Variants in RELN observed in about 807,000 individuals in gnomAD.
RELN encodes reelin.
Under a neutral mutation model 427.6 loss-of-function variants are expected in RELN, and 108 were observed. The observed-to-expected ratio is 0.25, with a 90% CI of 0.22 to 0.30. RELN has a LOEUF of 0.30. Among genes scored for constraint, RELN ranks in the 10% least tolerant of loss-of-function variants. The probability of loss-of-function intolerance (pLI) is 1.00; values close to 1 mark genes in which losing one functional copy is unlikely to be tolerated. For missense variants in RELN, 3,715 were observed against 4,302.8 expected, an observed-to-expected ratio of 0.86 and a Z score of 3.82; for synonymous variants, 1,524 against 1,513.4, an observed-to-expected ratio of 1.01 and a Z score of -0.16.
At chr7:103,951,285 T>C (rs1796325791) in intron 1 of RELN, among the ~76,000 whole-genome samples, 1 of 152,170 alleles carries the variant, frequency 6.6e-6, no homozygotes, top group East Asian at 1.9e-4. Flanking sequence ...CACATATATA[T>C]CAAGATACTG....
intron 2 of RELN, among the ~76,000 whole-genome samples, chr7:103,842,869 A>G (rs182172638): frequency 6.6e-6 from 1 of 152,286 alleles, no homozygotes; most frequent in African/African-American, 2.4e-5. Flanking sequence ...AGTGCACTTA[A>G]AAGATGAGAT....
chr7:103,912,789 T>C (rs1232271832), intron 2 of RELN, among the ~76,000 whole-genome samples: 1 of 152,084 alleles, frequency 6.6e-6, no homozygotes, highest in Non-Finnish European at 1.5e-5. Context: ...AGTAAATGCA[T>C]TTCAGCCCTG....
intron 4 of RELN, among the ~76,000 whole-genome samples, chr7:103,758,020 C>T (rs540790855): frequency 3.3e-5 from 5 of 152,194 alleles, no homozygotes; most frequent in African/African-American, 1.2e-4. Context: ...GGATGTTCAA[C>T]TAGGAATGAA....
chr7:103,889,830 T>TA (rs1426435989), intron 2 of RELN, among the ~76,000 whole-genome samples: 3 of 152,222 alleles, frequency 2.0e-5, no homozygotes, highest in Admixed American at 6.5e-5. Flanking sequence ...AATCCTAGCA[T>TA]AAAACCAGGC....
chr7:103,544,220 CTTTTTTTTTTTTTTTTTTTTTTTT>C (rs71154356), intron 42 of RELN, among the ~76,000 whole-genome samples: 1 of 71,198 alleles, frequency 1.4e-5, no homozygotes. Context: ...GAAAGAAAAT[CTTTTTTTTTTTTTTTTTTTTTTTT>C]TTTTTTTTTT....
chr7:103,814,396 T>C (rs1187816627), intron 3 of RELN, among the ~76,000 whole-genome samples: 1 of 152,220 alleles, frequency 6.6e-6, no homozygotes, highest in African/African-American at 2.4e-5. Context: ...TGATTAAAGA[T>C]TGAATTCTAG....
At chr7:103,838,342 A>G (rs1793465736) in intron 2 of RELN, among the ~76,000 whole-genome samples, 2 of 152,190 alleles carry the variant, frequency 1.3e-5, no homozygotes, top group Non-Finnish European at 2.9e-5. Context: ...ACTAAATACA[A>G]TAGAATATTC....
At chr7:103,570,851 T>G (rs1258736117) in intron 31 of RELN, among the ~76,000 whole-genome samples, 4 of 151,950 alleles carry the variant, frequency 2.6e-5, no homozygotes, top group Non-Finnish European at 5.9e-5. Context: ...TTATTAGAGG[T>G]TTATTATTAT....
chr7:103,927,656 T>A (rs1795775002), intron 1 of RELN, among the ~76,000 whole-genome samples: 1 of 152,220 alleles, frequency 6.6e-6, no homozygotes, highest in Non-Finnish European at 1.5e-5. Context: ...TGGAAAATGC[T>A]GTACTTTTTA....
chr7:103,555,163 A>G (rs1169635961), intron 38 of RELN, among the ~76,000 whole-genome samples: 4 of 152,192 alleles, frequency 2.6e-5, no homozygotes, highest in African/African-American at 9.7e-5. Context: ...AGAGTAGATA[A>G]TAACGGCAAA....
intron 1 of RELN, among the ~76,000 whole-genome samples, chr7:103,935,154 T>C (rs1407050759): frequency 6.6e-6 from 1 of 152,234 alleles, no homozygotes; most frequent in Non-Finnish European, 1.5e-5. Context: ...TGGAATCTCC[T>C]AGGTTTTTAG....
At chr7:103,584,484 G>A (rs1398495463) in intron 28 of RELN, among the ~76,000 whole-genome samples, 1 of 152,112 alleles carries the variant, frequency 6.6e-6, no homozygotes, top group African/African-American at 2.4e-5. Flanking sequence ...TTATATAATG[G>A]TAAAGAGTTC....
intron 10 of RELN, 133 bp from the exon 11 acceptor site, chr7:103,682,394 G>T (rs1833674841): frequency 1.1e-6 from 1 of 914,252 alleles, no homozygotes; most frequent in Non-Finnish European, 1.8e-6. Flanking sequence ...CAAATCAAAA[G>T]AGCTTGTTAC....
intron 21 of RELN, among the ~76,000 whole-genome samples, chr7:103,611,219 T>A (rs1174965675): frequency 6.6e-6 from 1 of 152,184 alleles, no homozygotes; most frequent in Non-Finnish European, 1.5e-5. Context: ...ATATTTCTTC[T>A]TTGTTTCTAA....
chr7:103,884,253 C>T (rs1016842911), intron 2 of RELN, among the ~76,000 whole-genome samples: 2 of 152,192 alleles, frequency 1.3e-5, no homozygotes, highest in African/African-American at 2.4e-5. Context: ...AACTGGACCC[C>T]TTCCTTACAC....
chr7:103,645,848 A>T (rs535754236), intron 16 of RELN, among the ~76,000 whole-genome samples: 1 of 152,048 alleles, frequency 6.6e-6, no homozygotes, highest in South Asian at 2.1e-4. Flanking sequence ...TCATGAGTGC[A>T]TGAAAGATTC....
chr7:103,973,657 G>T (rs1796809605), intron 1 of RELN, among the ~76,000 whole-genome samples: 1 of 152,230 alleles, frequency 6.6e-6, no homozygotes, highest in East Asian at 1.9e-4. Context: ...AATATTTATA[G>T]ATTTTTAAGT....
At position 103,539,233 on chromosome 7, in the gene RELN, G is replaced by T; in HGVS notation, c.7025C>A (p.Thr2342Asn). Residue 2342 changes from threonine (T) to asparagine (N), a missense_variant, in exon 45 of 65, where the codon ACC (threonine) becomes AAC (asparagine). By Grantham distance (65) the Thr-to-Asn change is moderately conservative. Around this residue, in one of 4 missense-constraint regions of RELN, gnomAD observed 1,310 missense variants for 1,643.0 expected, o/e 0.80. Coordinates refer to ENST00000428762, the MANE Select transcript of RELN (RefSeq NM_005045.4). ...SRKWLLHPGG[T>N]KMPVCGSTGD... Reference sequence around the variant, plus strand: ...AGTAGAGCCACACACGGGCATCTTGGTGCCTCCTGGGTGAAGCAGCCATTT... The same window carrying T: ...AGTAGAGCCACACACGGGCATCTTGTTGCCTCCTGGGTGAAGCAGCCATTT... 4 of 1,614,224 alleles carry T rather than the reference G, an allele frequency of 2.5e-6. No homozygotes were observed. In the South Asian group the frequency reaches 4.4e-5, roughly 18 times the overall value.
intron 1 of RELN, among the ~76,000 whole-genome samples, chr7:103,924,821 A>C (rs1196064658): frequency 6.6e-6 from 1 of 152,116 alleles, no homozygotes; most frequent in Non-Finnish European, 1.5e-5. Flanking sequence ...TTGTGAATTT[A>C]TTATTTTAAA....
Sources: gnomAD v4.1 joint callset for allele counts (sites outside exome capture counted in the v4.1 genomes callset) on GRCh38, gnomAD v4.1.1 for gene constraint, gnomAD v4.1.1 regional missense constraint, MANE v1.5 for transcripts, NCBI Gene and HGNC (gene_info 2026-07-23, HGNC 2026-07-21) for gene names.